Variants in CERS6 observed in about 807,000 individuals in gnomAD.
CERS6 encodes LAG1 homolog, ceramide synthase 6.
Under a neutral mutation model 56.8 loss-of-function variants are expected in CERS6, and 26 were observed. That is an observed-to-expected ratio of 0.46 (90% confidence interval 0.34 to 0.63). The LOEUF is 0.63. Among genes scored for constraint, CERS6 ranks in the 30% least tolerant of loss-of-function variants. The pLI, the probability that CERS6 is intolerant of heterozygous loss-of-function variation, is 0.01. For synonymous variants in CERS6, 164 were observed against 173.3 expected (o/e 0.95, Z 0.42); for missense variants, 415 against 467.5 (o/e 0.89, Z 1.04).
chr2:168,494,125 G>C (rs1694422221), intron 1 of CERS6, among the ~76,000 whole-genome samples: 1 of 152,150 alleles, frequency 6.6e-6, no homozygotes, highest in African/African-American at 2.4e-5. Context: ...TGTTTGTGCA[G>C]CTGCCCCATC....
intron 4 of CERS6, among the ~76,000 whole-genome samples, chr2:168,687,683 A>G (rs1056328892): frequency 1.3e-5 from 2 of 152,178 alleles, no homozygotes; most frequent in Non-Finnish European, 2.9e-5. Context: ...AGAAGGAATA[A>G]TGTGAATCAT....
chr2:168,488,887 C>T (rs1226577650), intron 1 of CERS6, among the ~76,000 whole-genome samples: 20 of 152,120 alleles, frequency 1.3e-4, no homozygotes, highest in Admixed American at 1.3e-3. Context: ...TATATTACAT[C>T]TACATACATT....
intron 1 of CERS6, among the ~76,000 whole-genome samples, chr2:168,547,224 T>C (rs1313170710): frequency 6.6e-6 from 1 of 152,222 alleles, no homozygotes; most frequent in Non-Finnish European, 1.5e-5. Context: ...TTTCTCACAG[T>C]AAAAATATGA....
intron 4 of CERS6, among the ~76,000 whole-genome samples, chr2:168,639,402 C>T (rs1559031508): frequency 1.3e-5 from 2 of 152,186 alleles, no homozygotes; most frequent in Non-Finnish European, 2.9e-5. Flanking sequence ...CATCAGAGAC[C>T]TCTCTGACAC....
At position 168,456,660 on chromosome 2, in the gene CERS6, A is replaced by C; in HGVS notation, c.170+42A>C. The C allele has an allele frequency of 1.3e-6, 2 of 1,580,986 alleles. No homozygotes were observed. The highest frequency in any genetic ancestry group is 1.7e-6 in the Non-Finnish European group (2 of 1,159,176). On this transcript the variant is annotated intron_variant, in intron 1 of 9. Coordinates refer to ENST00000305747, the MANE Select transcript of CERS6 (RefSeq NM_203463.3). This position sits in a 1 kb window ranked among gnomAD's most constrained non-coding sequence, Gnocchi z 4.1. ...CCCCTCCTCCCCTCCCCCTGCGCAC[A>C]CACACGCGCGCACACACTCGCGCGC... is the stretch of plus-strand genomic sequence containing the variant.
intron 4 of CERS6, among the ~76,000 whole-genome samples, chr2:168,673,849 T>C (rs771463821): frequency 6.6e-6 from 1 of 152,262 alleles, no homozygotes; most frequent in Non-Finnish European, 1.5e-5. Context: ...TTGAATTTTG[T>C]ATTTTCCTGT....
intron 1 of CERS6, among the ~76,000 whole-genome samples, chr2:168,533,480 T>G (rs544075145): frequency 6.6e-6 from 1 of 152,352 alleles, no homozygotes; most frequent in African/African-American, 2.4e-5. Flanking sequence ...TCTCATATTA[T>G]GTTGAATAGG....
At chr2:168,631,569 A>AAT (rs1398579511) in intron 4 of CERS6, among the ~76,000 whole-genome samples, 35 of 119,750 alleles carry the variant, frequency 2.9e-4, no homozygotes, top group African/African-American at 7.7e-4. Context: ...TTATATATTA[A>AAT]ATATAATATA....
At chr2:168,743,624 A>C (rs1683995292) in intron 8 of CERS6, among the ~76,000 whole-genome samples, 1 of 152,244 alleles carries the variant, frequency 6.6e-6, no homozygotes, top group Non-Finnish European at 1.5e-5. Context: ...CTAGTGTTTT[A>C]AACATAATAA....
intron 3 of CERS6, among the ~76,000 whole-genome samples, chr2:168,593,152 A>T (rs768568615): frequency 1.3e-5 from 2 of 152,094 alleles, no homozygotes; most frequent in Non-Finnish European, 2.9e-5. Context: ...TTTTTCCCTT[A>T]TAAGAACTTC....
chr2:168,545,729 C>T (rs1695454745), intron 1 of CERS6, among the ~76,000 whole-genome samples: 1 of 152,192 alleles, frequency 6.6e-6, no homozygotes, highest in Non-Finnish European at 1.5e-5. Flanking sequence ...TGTGTATGCA[C>T]AGGCATTGTC....
intron 8 of CERS6, among the ~76,000 whole-genome samples, chr2:168,764,309 A>AT (rs113656647): frequency 2.7e-3 from 417 of 151,830 alleles, no homozygotes; most frequent in African/African-American, 8.9e-3. Context: ...CACCCGGCTA[A>AT]TTTTTTGTAT....
At chr2:168,534,539 C>T (rs1370428852) in intron 1 of CERS6, among the ~76,000 whole-genome samples, 3 of 151,864 alleles carry the variant, frequency 2.0e-5, no homozygotes, top group Non-Finnish European at 4.4e-5. Context: ...TCATCTGGCT[C>T]GCTCCCGCGT....
At chr2:168,641,312 T>A (rs1685040049) in intron 4 of CERS6, among the ~76,000 whole-genome samples, 1 of 152,152 alleles carries the variant, frequency 6.6e-6, no homozygotes, top group Non-Finnish European at 1.5e-5. Context: ...TTAACCGATT[T>A]GTTCTTGAGA....
chr2:168,632,716 G>A (rs1684775566), intron 4 of CERS6, among the ~76,000 whole-genome samples: 3 of 152,170 alleles, frequency 2.0e-5, no homozygotes, highest in Non-Finnish European at 4.4e-5. Flanking sequence ...TACTACCTTG[G>A]AAGAGGAAAC....
chr2:168,500,604 G>A (rs1361863797), intron 1 of CERS6, among the ~76,000 whole-genome samples: 1 of 152,178 alleles, frequency 6.6e-6, no homozygotes, highest in Non-Finnish European at 1.5e-5. Context: ...CAAGGAGGTG[G>A]GAGAAGGCTG....
chr2:168,588,080 A>ATTTTTTTTTT (rs11396816), intron 3 of CERS6, among the ~76,000 whole-genome samples: 9 of 138,534 alleles, frequency 6.5e-5, no homozygotes, highest in African/African-American at 2.4e-4. Flanking sequence ...TACCTGGCTA[A>ATTTTTTTTTT]TTTTTTTTTT....
intron 8 of CERS6, among the ~76,000 whole-genome samples, chr2:168,759,245 C>G (rs1325085443): frequency 6.6e-6 from 1 of 152,062 alleles, no homozygotes; most frequent in African/African-American, 2.4e-5. Flanking sequence ...AGACTGATGC[C>G]TCTTCATTCA....
At chr2:168,634,814 G>T (rs1445257229) in intron 4 of CERS6, among the ~76,000 whole-genome samples, 1 of 152,120 alleles carries the variant, frequency 6.6e-6, no homozygotes, top group Admixed American at 6.5e-5. Context: ...TATCAGTCAG[G>T]GGTCCATAGG....
Sources: allele counts gnomAD v4.1 joint callset (sites outside exome capture counted in the v4.1 genomes callset), GRCh38; gene constraint gnomAD v4.1.1; non-coding constraint Gnocchi (gnomAD v3.1); transcripts MANE v1.5; gene names NCBI Gene and HGNC (gene_info 2026-07-23, HGNC 2026-07-21).